The following IDO2 variants were observed in gnomAD, a reference collection of about 807,000 sequenced individuals.
The protein encoded by IDO2 is indoleamine 2,3-dioxygenase 2, also known as indoleamine 2,3-dioxygenase-like 1 protein.
Under a neutral mutation model 45.1 loss-of-function variants are expected in IDO2, and 46 were observed. The observed-to-expected ratio is 1.02, with a 90% confidence interval of 0.80 to 1.30. The LOEUF is 1.30. Among genes scored for constraint, IDO2 ranks in the 50% most tolerant of loss-of-function variants. The pLI is 0.00. For missense variants in IDO2, 544 were observed against 491.8 expected (o/e 1.11, Z -1.00); for synonymous variants, 218 against 184.9 (o/e 1.18, Z -1.45).
chr8:40,013,442 C>A lies in IDO2; in HGVS notation c.720-123C>A, dbSNP rs570267545. On this transcript the variant is annotated intron_variant, in intron 9 of 10. Transcript: ENST00000502986. ...TTACCCTACAAAGATACCCCCAATC[C>A]CTCACCCTAAAATTACCATTGAAAT... The A allele has an allele frequency of 2.5e-5, 23 of 929,838 alleles. No homozygotes were observed. In the African/African-American group the frequency reaches 2.6e-4, roughly 11 times the overall value. 57.6% of individuals were successfully genotyped at this position (929,838 alleles called of 1,614,324 possible).
chr8:39,974,178 A>C (rs1315146281), intron 3 of IDO2, among the ~76,000 whole-genome samples: 2 of 152,210 alleles, frequency 1.3e-5, no homozygotes, highest in Admixed American at 1.3e-4. Context: ...TTCTGACCAG[A>C]TGGCATCAGG....
At chr8:39,944,922 G>C (rs1171232336) in intron 1 of IDO2, among the ~76,000 whole-genome samples, 3 of 152,122 alleles carry the variant, frequency 2.0e-5, no homozygotes, top group Non-Finnish European at 4.4e-5. Flanking sequence ...AACAGTTCTA[G>C]CATCTATTAG....
chr8:39,995,243 C>G (rs1309899850), intron 8 of IDO2: 7 of 93,306 alleles, frequency 7.5e-5, no homozygotes, highest in Admixed American at 2.3e-4. Context: ...CCTTCTCCTT[C>G]TCCTTCTCCT....
chr8:39,955,165 G>A (rs1230269030), intron 2 of IDO2, among the ~76,000 whole-genome samples: 1 of 147,176 alleles, frequency 6.8e-6, no homozygotes, highest in Non-Finnish European at 1.5e-5. Context: ...ATAAGGCCAG[G>A]AAAAAATATT....
At chr8:39,941,282 CG>C (rs566582257) in intron 1 of IDO2, among the ~76,000 whole-genome samples, 182 of 149,090 alleles carry the variant, frequency 1.2e-3, no homozygotes, top group Non-Finnish European at 2.2e-3. Flanking sequence ...ACAATACTCC[CG>C]GCTCTCTTTT....
At chr8:39,944,418 A>C (rs183850221) in intron 1 of IDO2, among the ~76,000 whole-genome samples, 77 of 152,246 alleles carry the variant, frequency 5.1e-4, no homozygotes, top group Non-Finnish European at 8.8e-4. Flanking sequence ...GTTTTCCTTT[A>C]ATCACCTAGC....
chr8:39,943,409 G>GT lies in IDO2; in HGVS notation c.-17-5740_-17-5739insT, dbSNP rs369894375. Among the ~76,000 whole-genome samples, 276 of 151,414 alleles carry GT rather than the reference G, an allele frequency of 1.8e-3. 3 individuals carry two copies. The highest frequency in any genetic ancestry group is 6.4e-3 in the African/African-American group (262 of 41,252). Reference sequence around the variant, plus strand: ...ACTCTTAAGAAATTAGGTGTAGAAAGAATGTTCCTCAATACCATAAAGGCC... The same window carrying GT: ...ACTCTTAAGAAATTAGGTGTAGAAAGTAATGTTCCTCAATACCATAAAGGCC... On this transcript the variant is annotated intron_variant, in intron 1 of 10. Coordinates refer to ENST00000502986, the Ensembl canonical transcript of IDO2.
chr8:40,010,327 A>G (rs1802292616), intron 9 of IDO2, among the ~76,000 whole-genome samples: 2 of 152,090 alleles, frequency 1.3e-5, no homozygotes, highest in South Asian at 4.1e-4. Context: ...GAGCTGCAGG[A>G]AGCCAGCAGG....
chr8:40,004,518 A>AGAT (rs1802185673), intron 8 of IDO2, among the ~76,000 whole-genome samples: 1 of 127,338 alleles, frequency 7.9e-6, no homozygotes, highest in African/African-American at 2.8e-5. Flanking sequence ...CAGATTAGAC[A>AGAT]GACAGATGAT....
intron 8 of IDO2, among the ~76,000 whole-genome samples, chr8:40,000,591 C>T (rs1802120874): frequency 6.6e-6 from 1 of 152,134 alleles, no homozygotes; most frequent in Non-Finnish European, 1.5e-5. Context: ...CACTATATAG[C>T]AGCATTTTGT....
intron 1 of IDO2, among the ~76,000 whole-genome samples, chr8:39,941,221 CA>C (rs59745370): frequency 1.0e-3 from 84 of 80,548 alleles, no homozygotes; most frequent in Middle Eastern, 0.017. Context: ...GACTCCATCT[CA>C]AAAAAAAAAA....
chr8:39,935,106 T>A lies in IDO2; in HGVS notation c.-130T>A. 3 of 1,063,844 alleles carry A rather than the reference T, an allele frequency of 2.8e-6. No homozygotes were observed. Among genetic ancestry groups the A allele is most frequent in the Admixed American group, 1.7e-5 (1 of 59,328 alleles). The allele number at this position is 1,063,844 out of a possible 1,614,324, so 65.9% of individuals were successfully genotyped here. A position where few individuals can be genotyped will look rare whatever the true frequency, so the allele number is the denominator to read the frequency against. ...TAGATTTGACATTAGAAATGTACCATAATACAGAAGGCAATGGACACCTAA... is the reference window on the plus strand; with the variant it reads ...TAGATTTGACATTAGAAATGTACCAAAATACAGAAGGCAATGGACACCTAA... On this transcript the variant is annotated 5_prime_UTR_variant, in exon 1 of 11. The change abolishes the stop of an existing upstream ORF in the 5' untranslated region. Transcript: ENST00000502986.
At chr8:39,957,834 G>T (rs1807926791) in intron 2 of IDO2, among the ~76,000 whole-genome samples, 1 of 151,988 alleles carries the variant, frequency 6.6e-6, no homozygotes, top group South Asian at 2.1e-4. Context: ...GATAGTTTAG[G>T]TTCTAATTTT....
chr8:39,989,890 CT>C, intron 8 of IDO2, 52 bp downstream of exon 8: 1 of 1,267,976 alleles, frequency 7.9e-7, no homozygotes, highest in Non-Finnish European at 1.1e-6. Context: ...CTGGGCTCTG[CT>C]TAGGGGAAGA....
At chr8:39,972,817 CAA>C (rs1263491840) in intron 3 of IDO2, among the ~76,000 whole-genome samples, 1 of 151,986 alleles carries the variant, frequency 6.6e-6, no homozygotes, top group East Asian at 1.9e-4. Flanking sequence ...TCTCCACCAG[CAA>C]AGAGATTATG....
intron 2 of IDO2, among the ~76,000 whole-genome samples, chr8:39,962,823 A>C (rs1197275052): frequency 6.6e-6 from 1 of 152,186 alleles, no homozygotes; most frequent in Non-Finnish European, 1.5e-5. Flanking sequence ...GTATCAGAAA[A>C]GGCAACATTT....
At chr8:40,015,572 C>T (rs1563445098) in exon 11 of IDO2, 1 of 1,613,228 alleles carries the variant, frequency 6.2e-7, no homozygotes, top group Admixed American at 1.7e-5. Flanking sequence ...GGGATAAGAC[C>T]TTGGAGTCAA....
chr8:39,998,549 A>T (rs1174802712), intron 8 of IDO2: 1 of 151,962 alleles, frequency 6.6e-6, no homozygotes, highest in Non-Finnish European at 1.5e-5. Context: ...TTGGACAGAA[A>T]ATGACTGCAA....
At chr8:39,940,419 A>G (rs975102889) in intron 1 of IDO2, among the ~76,000 whole-genome samples, 1 of 152,226 alleles carries the variant, frequency 6.6e-6, no homozygotes, top group African/African-American at 2.4e-5. Context: ...AGGAAAGATG[A>G]GGTTACTACA....
Sources: gnomAD v4.1 joint callset for allele counts (sites outside exome capture counted in the v4.1 genomes callset) on GRCh38, gnomAD v4.1.1 for gene constraint, MANE v1.5 for transcripts, NCBI Gene and HGNC (gene_info 2026-07-23, HGNC 2026-07-21) for gene names.